Variants in MEGF10 observed in about 807,000 individuals in gnomAD.
MEGF10 encodes the protein multiple epidermal growth factor-like domains protein 10.
A neutral mutation model predicts 147.5 loss-of-function variants in MEGF10; 86 were observed. The ratio of observed to expected loss-of-function variants is 0.58; its 90% CI spans 0.49 to 0.70. The LOEUF is 0.70. MEGF10 is among the 30% of genes least tolerant of loss of function. The pLI, the probability that MEGF10 is intolerant of heterozygous loss-of-function variation, is 0.00. For synonymous variants in MEGF10, 478 were observed against 525.5 expected (o/e 0.91, Z 1.24); for missense variants, 1,329 against 1,487.3 (o/e 0.89, Z 1.75).
chr5:127,434,714 G>C lies in MEGF10; in HGVS notation c.1868G>C (p.Arg623Pro). The stretch of plus-strand genomic sequence containing the variant: ...TGCTCCCCTGGTTTTTATGGGCATC[G>C]CTGCAGCCAGACATGCCCACAGTGC... ...RICSPGFYGH[R>P]CSQTCPQCVH... The change falls in exon 15 of 25, where the codon CGC (arginine) becomes CCC (proline). Residue 623 changes from arginine to proline, a missense_variant. Physicochemically the swap from Arg to Pro is moderately radical, Grantham distance 103. Transcript: ENST00000503335. 6.2e-7 allele frequency: 1 copy of C among 1,612,796 alleles called. No homozygotes were observed. Among genetic ancestry groups the C allele is most frequent in the Non-Finnish European group, 8.5e-7 (1 of 1,179,452 alleles).
chr5:127,442,770 G>A (rs1488400085), intron 18 of MEGF10, among the ~76,000 whole-genome samples: 1 of 152,156 alleles, frequency 6.6e-6, no homozygotes, highest in Admixed American at 6.5e-5. Context: ...AGTGTCAGGA[G>A]CTCTAATGTT....
At chr5:127,389,035 T>C (rs918068840) in intron 5 of MEGF10, among the ~76,000 whole-genome samples, 1 of 152,212 alleles carries the variant, frequency 6.6e-6, no homozygotes, top group South Asian at 2.1e-4. Context: ...TGGAATATTA[T>C]ACTTAACCGA....
At chr5:127,230,523 TC>T in the MEGF10 span, among the ~76,000 whole-genome samples, 1 of 151,634 alleles carries the variant, frequency 6.6e-6, no homozygotes, top group African/African-American at 2.4e-5. Flanking sequence ...TGGAGAAAAG[TC>T]CTAGAGCCAA....
intron 10 of MEGF10, among the ~76,000 whole-genome samples, chr5:127,418,618 C>G (rs1990955): frequency 0.021 from 3,157 of 152,258 alleles, 52 homozygotes; most frequent in Middle Eastern, 0.085. Flanking sequence ...TTAATTCTGC[C>G]TTTAATGCTC....
chr5:127,264,534 G>A, the MEGF10 span, among the ~76,000 whole-genome samples: 2 of 152,074 alleles, frequency 1.3e-5, no homozygotes, highest in African/African-American at 2.4e-5. Flanking sequence ...GGCAAGGTTG[G>A]ATCTAGAAGT....
chr5:127,388,769 T>A (rs1763535662), intron 5 of MEGF10, among the ~76,000 whole-genome samples: 2 of 152,030 alleles, frequency 1.3e-5, no homozygotes, highest in East Asian at 3.9e-4. Flanking sequence ...ATGGTCTCGA[T>A]CTCCTGACCT....
At position 127,415,641 on chromosome 5, in the gene MEGF10, C is replaced by T. The variant is rs368392269; in HGVS notation, c.1131-1997C>T. ...CTCCTAGGCCAGGCATGGTGGCTCACGCTTATAATCCCAGCACTTTGGGAG... is the reference window on the plus strand; with the variant it reads ...CTCCTAGGCCAGGCATGGTGGCTCATGCTTATAATCCCAGCACTTTGGGAG... On this transcript the variant is annotated intron_variant, in intron 9 of 24. Transcript: ENST00000503335. Among the ~76,000 whole-genome samples, 17 of 152,108 alleles carry T rather than the reference C, an allele frequency of 1.1e-4. No individual in the cohort carries two copies. In the East Asian group the frequency reaches 3.3e-3, roughly 30 times the overall value.
intron 1 of MEGF10, among the ~76,000 whole-genome samples, chr5:127,316,793 G>A (rs979440576): frequency 6.6e-6 from 1 of 152,178 alleles, no homozygotes; most frequent in Non-Finnish European, 1.5e-5. Context: ...GCGGTGTGGT[G>A]TGTGTTACTA....
chr5:127,428,722 C>G (rs575700400), intron 13 of MEGF10, among the ~76,000 whole-genome samples: 5 of 152,286 alleles, frequency 3.3e-5, no homozygotes, highest in Admixed American at 3.3e-4. Flanking sequence ...TTCACTAACG[C>G]TCCAAATATT....
intron 1 of MEGF10, among the ~76,000 whole-genome samples, chr5:127,330,595 ATTTTTTTCTATGTATAATCTAGT>A (rs1426053492): frequency 6.6e-6 from 1 of 151,960 alleles, no homozygotes; most frequent in African/African-American, 2.4e-5. Context: ...ACAGCTTTAC[ATTTTTTTCTATGTATAATCTAGT>A]TTTTAGAAAC....
At chr5:127,452,977 T>C (rs1321953289) in intron 22 of MEGF10, among the ~76,000 whole-genome samples, 1 of 152,156 alleles carries the variant, frequency 6.6e-6, no homozygotes, top group East Asian at 1.9e-4. Flanking sequence ...CCCACGATGA[T>C]TGATATCTGA....
chr5:127,433,320 G>T, intron 13 of MEGF10, 43 bp from the exon 14 acceptor site: 1 of 1,613,612 alleles, frequency 6.2e-7, no homozygotes, highest in Non-Finnish European at 8.5e-7. Context: ...CGGAAACTCC[G>T]CACTGCCTCT....
intron 9 of MEGF10, among the ~76,000 whole-genome samples, chr5:127,416,037 TTTTG>T (rs1165077119): frequency 2.2e-4 from 29 of 131,876 alleles, no homozygotes; most frequent in African/African-American, 8.3e-4. Context: ...TTGTTTTTGG[TTTTG>T]TTTTTGAGAC....
At chr5:127,382,903 CCAT>C (rs763234686) in intron 5 of MEGF10, among the ~76,000 whole-genome samples, 4 of 152,138 alleles carry the variant, frequency 2.6e-5, no homozygotes, top group Non-Finnish European at 4.4e-5. Context: ...TCATTTCTCA[CCAT>C]CAGATTGGCA....
intron 4 of MEGF10, among the ~76,000 whole-genome samples, chr5:127,355,709 CT>C (rs942212002): frequency 1.3e-5 from 2 of 152,152 alleles, no homozygotes; most frequent in African/African-American, 4.8e-5. Flanking sequence ...AACAAGAAAC[CT>C]TTGTTGCTTT....
At chr5:127,400,330 A>G (rs1764078043) in intron 7 of MEGF10, among the ~76,000 whole-genome samples, 1 of 152,184 alleles carries the variant, frequency 6.6e-6, no homozygotes, top group East Asian at 1.9e-4. Context: ...TTTAAGGAGT[A>G]CTGAGCAGGT....
At chr5:127,313,119 A>G (rs1274994688) in intron 1 of MEGF10, among the ~76,000 whole-genome samples, 1 of 152,188 alleles carries the variant, frequency 6.6e-6, no homozygotes, top group East Asian at 1.9e-4. Context: ...CTTTCTCTTT[A>G]GCTCTTCCTG....
chr5:127,298,742 C>T (rs536961633), intron 1 of MEGF10, among the ~76,000 whole-genome samples: 1 of 152,118 alleles, frequency 6.6e-6, no homozygotes, highest in Non-Finnish European at 1.5e-5. Context: ...AGAACCCATG[C>T]CTCTCCTCTC....
chr5:127,407,874 C>G (rs1032650709), intron 8 of MEGF10, among the ~76,000 whole-genome samples: 1 of 152,140 alleles, frequency 6.6e-6, no homozygotes, highest in African/African-American at 2.4e-5. Context: ...GATATCCTAC[C>G]ATTTTCCTTT....
Sources: allele counts gnomAD v4.1 joint callset (sites outside exome capture counted in the v4.1 genomes callset), GRCh38; gene constraint gnomAD v4.1.1; transcripts MANE v1.5; gene names NCBI Gene and HGNC (gene_info 2026-07-23, HGNC 2026-07-21).